The following AGBL4 variants were observed in gnomAD, a reference collection of about 807,000 sequenced individuals.
AGBL4 encodes the protein AGBL carboxypeptidase 4.
AGBL4 carries 58 observed loss-of-function variants against 66.4 expected under a neutral mutation model. The observed-to-expected ratio is 0.87, with a 90% CI of 0.71 to 1.09. AGBL4 has a LOEUF of 1.09. AGBL4 is among the 50% of genes least tolerant of loss of function. The pLI is 0.00. For missense variants in AGBL4, 579 were observed against 631.0 expected (o/e 0.92, Z 0.88); for synonymous variants, 234 against 222.9 (o/e 1.05, Z -0.44).
intron 2 of AGBL4, among the ~76,000 whole-genome samples, chr1:49,775,577 T>G (rs2147892929): frequency 6.6e-6 from 1 of 152,192 alleles, no homozygotes; most frequent in African/African-American, 2.4e-5. Flanking sequence ...TTCTAACAGG[T>G]CAAGCTATAA....
intron 1 of AGBL4, among the ~76,000 whole-genome samples, chr1:49,940,786 G>T (rs1004811549): frequency 2.0e-5 from 3 of 151,810 alleles, no homozygotes; most frequent in African/African-American, 7.3e-5. Context: ...CACCAGCATG[G>T]CACATGTATA....
At chr1:48,742,707 G>A in intron 6 of AGBL4, 1 of 1,611,192 alleles carries the variant, frequency 6.2e-7, no homozygotes. Flanking sequence ...CACTGAAAGT[G>A]CTCCGTAACT....
At chr1:49,551,993 G>A (rs750127816) in intron 3 of AGBL4, among the ~76,000 whole-genome samples, 6 of 152,138 alleles carry the variant, frequency 3.9e-5, no homozygotes, top group Non-Finnish European at 7.4e-5. Flanking sequence ...GGATGGGGGT[G>A]AGGTTCCCAG....
chr1:48,897,054 T>C lies in AGBL4; in HGVS notation c.595-29824A>G, dbSNP rs563168338. Among the ~76,000 whole-genome samples, 4 of 152,358 alleles carry C rather than the reference T, an allele frequency of 2.6e-5. 1 individual carries two copies. The highest frequency in any genetic ancestry group is 9.6e-5 in the African/African-American group (4 of 41,600). On this transcript the variant is annotated intron_variant, in intron 5 of 13. Transcript: ENST00000371839. ...TTTTCTTTTGCAGACTGAGGTAATGTATAACATATCATCTTTACCATTTTA... is the reference window on the plus strand; with the variant it reads ...TTTTCTTTTGCAGACTGAGGTAATGCATAACATATCATCTTTACCATTTTA...
intron 4 of AGBL4, among the ~76,000 whole-genome samples, chr1:49,051,309 C>G (rs1444815601): frequency 1.3e-5 from 2 of 148,798 alleles, no homozygotes; most frequent in African/African-American, 5.1e-5. Context: ...TTCTGAATCT[C>G]AATAGCTTGC....
chr1:49,978,436 C>T (rs1193570980), intron 1 of AGBL4, among the ~76,000 whole-genome samples: 1 of 151,964 alleles, frequency 6.6e-6, no homozygotes, highest in African/African-American at 2.4e-5. Flanking sequence ...AGAGAGAGAC[C>T]CTATCACTAA....
intron 3 of AGBL4, among the ~76,000 whole-genome samples, chr1:49,547,925 C>T (rs1652629361): frequency 6.6e-6 from 1 of 152,094 alleles, no homozygotes; most frequent in African/African-American, 2.4e-5. Context: ...AGGCGTGCAC[C>T]ACCATGCCCG....
chr1:49,535,755 G>A (rs972995451), intron 3 of AGBL4, among the ~76,000 whole-genome samples: 4 of 152,110 alleles, frequency 2.6e-5, no homozygotes, highest in East Asian at 1.9e-4. Context: ...GCCGTGGCGC[G>A]ATCTCGGCTC....
At position 49,530,259 on chromosome 1, in the gene AGBL4, T is replaced by TAAAAAAAAAAAAAA. The variant is rs543885264; in HGVS notation, c.282+167053_282+167054insTTTTTTTTTTTTTT. ...CAGCTATGTTTTCAAGTAGAATTTG[T>TAAAAAAAAAAAAAA]AAAAAAAAAAAAACAAAAAAAAACT... On this transcript the variant is annotated intron_variant, in intron 3 of 13. Coordinates refer to ENST00000371839, the MANE Select transcript of AGBL4 (RefSeq NM_032785.4). Among the ~76,000 whole-genome samples, 203 of 75,918 alleles carry TAAAAAAAAAAAAAA rather than the reference T, an allele frequency of 2.7e-3. 23 individuals are homozygous for TAAAAAAAAAAAAAA. Among genetic ancestry groups the TAAAAAAAAAAAAAA allele is most frequent in the African/African-American group, 4.0e-3 (66 of 16,304 alleles). The allele number at this position is 75,918 out of a possible 152,430, so 49.8% of individuals were successfully genotyped here. A position where few individuals can be genotyped will look rare whatever the true frequency, so the allele number is the denominator to read the frequency against.
At chr1:48,697,505 T>C (rs1312235443) in intron 6 of AGBL4, among the ~76,000 whole-genome samples, 1 of 152,202 alleles carries the variant, frequency 6.6e-6, no homozygotes, top group African/African-American at 2.4e-5. Flanking sequence ...GGTAATACAA[T>C]GGTAAGTAGG....
intron 4 of AGBL4, among the ~76,000 whole-genome samples, chr1:49,161,138 A>C (rs925574223): frequency 1.3e-5 from 2 of 152,112 alleles, no homozygotes; most frequent in Admixed American, 6.5e-5. Flanking sequence ...TGTTTGCCTA[A>C]ATGGCCACCC....
rs1440219569 is a variant in AGBL4, at chr1:49,710,395, C to T, written c.158-12958G>A. 4.6e-5 allele frequency among the ~76,000 whole-genome samples: 7 copies of T among 151,960 alleles called. No homozygotes were observed. In the East Asian group the frequency reaches 9.7e-4, roughly 21 times the overall value. On this transcript the variant is annotated intron_variant, in intron 2 of 13. Transcript: ENST00000371839. ...ATAAGTGGGAGTTTAAAAATGAGAC[C>T]ATATGGGTACAGGGAAGGGAACATT...
chr1:48,889,986 T>TTGAG (rs1452332135), intron 5 of AGBL4, among the ~76,000 whole-genome samples: 2 of 78,586 alleles, frequency 2.5e-5, no homozygotes, highest in Admixed American at 2.8e-4. Flanking sequence ...CACAGCCTGC[T>TTGAG]TGCGTGTGTG....
intron 3 of AGBL4, among the ~76,000 whole-genome samples, chr1:49,373,331 A>G (rs1048593601): frequency 1.5e-4 from 23 of 152,312 alleles, no homozygotes; most frequent in Admixed American, 7.2e-4. Flanking sequence ...ATTAAGTAGA[A>G]CTGATATCTC....
intron 2 of AGBL4, among the ~76,000 whole-genome samples, chr1:49,850,787 T>G (rs965488321): frequency 6.6e-6 from 1 of 152,118 alleles, no homozygotes; most frequent in African/African-American, 2.4e-5. Context: ...CTCACTAATA[T>G]TTTCAACATA....
At chr1:49,908,378 A>G (rs1412043685) in intron 1 of AGBL4, among the ~76,000 whole-genome samples, 2 of 152,116 alleles carry the variant, frequency 1.3e-5, no homozygotes, top group Non-Finnish European at 2.9e-5. Context: ...TGCTGTCTTC[A>G]CAATAGTGAG....
chr1:49,304,582 T>G (rs138825000), intron 3 of AGBL4, among the ~76,000 whole-genome samples: 90 of 152,264 alleles, frequency 5.9e-4, no homozygotes, highest in African/African-American at 2.1e-3. Context: ...AATGCCCAAC[T>G]ATGCCTAAAA....
intron 1 of AGBL4, among the ~76,000 whole-genome samples, chr1:49,957,311 G>C (rs1430258925): frequency 6.6e-6 from 1 of 152,084 alleles, no homozygotes; most frequent in Non-Finnish European, 1.5e-5. Context: ...AGTGCGATGT[G>C]GTGCTGAGAA....
intron 5 of AGBL4, among the ~76,000 whole-genome samples, chr1:49,011,305 G>T (rs946036463): frequency 1.3e-5 from 2 of 152,178 alleles, no homozygotes; most frequent in East Asian, 1.9e-4. Flanking sequence ...GGCCATCAGA[G>T]AAATGCAAAT....
Sources: allele counts gnomAD v4.1 joint callset (sites outside exome capture counted in the v4.1 genomes callset), GRCh38; gene constraint gnomAD v4.1.1; transcripts MANE v1.5; gene names NCBI Gene and HGNC (gene_info 2026-07-23, HGNC 2026-07-21).